Variants in BCLAF1 observed in about 807,000 individuals in gnomAD.
BCLAF1 encodes the protein BCL2 associated transcription factor 1.
BCLAF1 carries 10 observed loss-of-function variants against 99.5 expected under a neutral mutation model. That is an observed-to-expected ratio of 0.10 (90% CI 0.06 to 0.17). BCLAF1 has a LOEUF of 0.17. Ranked by LOEUF, BCLAF1 falls within the 10% of genes least tolerant of loss-of-function variation. The probability of loss-of-function intolerance (pLI) is 1.00; values close to 1 mark genes in which losing one functional copy is unlikely to be tolerated. For synonymous variants in BCLAF1, 255 were observed against 370.9 expected, an observed-to-expected ratio of 0.69 and a Z score of 3.59; for missense variants, 636 against 1,105.8, an observed-to-expected ratio of 0.58 and a Z score of 6.02.
rs145079947 is a variant in BCLAF1 at position 136,272,060 on chromosome 6, T to C, written c.1978A>G (p.Ser660Gly). ...EIHRRIDISP[S>G]TLRKHTRLAG... The stretch of plus-strand genomic sequence containing the variant: ...AAACGGGTATGCTTCCTCAGGGTAC[T>C]TGGTGAGATGTCAATTCTCCTTAAT... The change falls in exon 8 of 13, where the codon AGT becomes GGT. Residue 660 changes from serine (S) to glycine (G), a missense_variant. Ser to Gly is a moderately conservative substitution (Grantham distance 56, BLOSUM62 0). Around this residue, in one of 9 missense-constraint regions of BCLAF1, gnomAD observed 180 missense variants for 270.0 expected, o/e 0.67. Transcript: ENST00000531224. 5 of 1,601,366 alleles carry C rather than the reference T, an allele frequency of 3.1e-6. 1 individual carries two copies. In the South Asian group the frequency reaches 3.3e-5, roughly 11 times the overall value.
At chr6:136,278,911 A>C in intron 3 of BCLAF1, 135 bp from the exon 4 acceptor site, 3 of 883,754 alleles carry the variant, frequency 3.4e-6, no homozygotes, top group Non-Finnish European at 4.8e-6. Flanking sequence ...CATCTGTACA[A>C]AAGTTAATGG....
At chr6:136,287,926 C>T (rs1236470473) in intron 1 of BCLAF1, among the ~76,000 whole-genome samples, 3 of 152,142 alleles carry the variant, frequency 2.0e-5, no homozygotes, top group Non-Finnish European at 4.4e-5. Flanking sequence ...GAGGCTGAGG[C>T]AGGAGAATCG....
At chr6:136,267,982 C>A (rs1379230086) in intron 10 of BCLAF1, among the ~76,000 whole-genome samples, 180 bp downstream of exon 10, 1 of 151,858 alleles carries the variant, frequency 6.6e-6, no homozygotes, top group African/African-American at 2.4e-5. Flanking sequence ...TTCTAGACCT[C>A]AAAATGGCAT....
intron 11 of BCLAF1, among the ~76,000 whole-genome samples, chr6:136,262,910 CT>C (rs1261604552): frequency 3.9e-5 from 6 of 152,056 alleles, no homozygotes; most frequent in Admixed American, 6.6e-5. Flanking sequence ...AACTGTGTGA[CT>C]TTGGGCAACC....
chr6:136,261,221 A>G (rs527483217), intron 12 of BCLAF1, 44 bp downstream of exon 12: 65 of 1,597,646 alleles, frequency 4.1e-5, no homozygotes, highest in East Asian at 6.7e-5. Context: ...CACCAAACCT[A>G]TATCAAAAAA....
At chr6:136,283,252 AAT>A (rs1471633760) in intron 1 of BCLAF1, among the ~76,000 whole-genome samples, 4 of 151,890 alleles carry the variant, frequency 2.6e-5, no homozygotes, top group Non-Finnish European at 5.9e-5. Context: ...TAACATCTAA[AAT>A]ATGAGTTTAA....
Position 136,272,351 on chromosome 6 carries a change from G to C in BCLAF1, c.1959-272C>G, listed in dbSNP as rs541162770. Among the ~76,000 whole-genome samples the C allele has an allele frequency of 3.3e-5, 5 of 152,046 alleles. No individual in the cohort carries two copies. The South Asian group carries it at 1.0e-3, about 31-fold the overall frequency. ...TTTAGCCATCAAAAATAGAAAAAATGTGTTTTGATTAAACTGGATATGATT... is the reference window on the plus strand; with the variant it reads ...TTTAGCCATCAAAAATAGAAAAAATCTGTTTTGATTAAACTGGATATGATT... On this transcript the variant is annotated intron_variant, in intron 7 of 12. Coordinates refer to ENST00000531224, the MANE Select transcript of BCLAF1 (RefSeq NM_014739.3).
rs1197332782 is a variant in BCLAF1 at position 136,258,415 on chromosome 6, AACAAAAACAAG to A, written c.*2684_*2694del. 1.3e-5 allele frequency: 2 copies of A among 151,806 alleles called. No individual in the cohort carries two copies. Among genetic ancestry groups the A allele is most frequent in the African/African-American group, 4.8e-5 (2 of 41,326 alleles). The allele number at this position is 151,806 out of a possible 1,614,324, so 9.4% of individuals were successfully genotyped here. ...AAACAAAAACAAAAACAAAAACAAA[AACAAAAACAAG>A]ACAAAACAAAAAAACAGTAAAGAAA... On this transcript the variant is annotated 3_prime_UTR_variant, in exon 13 of 13. Transcript: ENST00000531224.
At chr6:136,263,743 A>G (rs1483131800) in intron 11 of BCLAF1, among the ~76,000 whole-genome samples, 1 of 152,118 alleles carries the variant, frequency 6.6e-6, no homozygotes, top group Non-Finnish European at 1.5e-5. Flanking sequence ...GAAGACAGCA[A>G]CTCAACACTG....
At chr6:136,273,318 T>C in intron 6 of BCLAF1, 131 bp from the exon 7 acceptor site, 1 of 740,500 alleles carries the variant, frequency 1.4e-6, no homozygotes, top group East Asian at 2.6e-5. Context: ...AATCAAGTGT[T>C]ACAAGGAACT....
At chr6:136,289,375 G>A (rs892377696) in intron 1 of BCLAF1, among the ~76,000 whole-genome samples, 1 of 152,108 alleles carries the variant, frequency 6.6e-6, no homozygotes, top group Non-Finnish European at 1.5e-5. Context: ...TCAGTCGGGC[G>A]CGCGCAGAGG....
intron 4 of BCLAF1, among the ~76,000 whole-genome samples, 162 bp downstream of exon 4, chr6:136,277,703 C>G (rs1235535692): frequency 6.6e-6 from 1 of 151,578 alleles, no homozygotes; most frequent in Non-Finnish European, 1.5e-5. Context: ...CCAAAGTTCA[C>G]CAGATAAGAG....
At chr6:136,289,018 T>G (rs1199012845) in intron 1 of BCLAF1, among the ~76,000 whole-genome samples, 1 of 152,004 alleles carries the variant, frequency 6.6e-6, no homozygotes, top group Non-Finnish European at 1.5e-5. Flanking sequence ...CAGCGCGCGC[T>G]CGCTTCAAAA....
At chr6:136,283,292 C>T (rs989041605) in intron 1 of BCLAF1, among the ~76,000 whole-genome samples, 6 of 149,348 alleles carry the variant, frequency 4.0e-5, no homozygotes, top group Admixed American at 1.3e-4. Context: ...TCTTTTGGTA[C>T]TTCCTTTCAC....
intron 8 of BCLAF1, among the ~76,000 whole-genome samples, chr6:136,271,711 A>C (rs902007472): frequency 2.0e-5 from 3 of 151,860 alleles, no homozygotes; most frequent in African/African-American, 4.8e-5. Flanking sequence ...TTGATTTTAT[A>C]ATTTCCCTTT....
chr6:136,286,330 C>A (rs1014550749), intron 1 of BCLAF1, among the ~76,000 whole-genome samples: 8 of 152,196 alleles, frequency 5.3e-5, no homozygotes, highest in African/African-American at 1.9e-4. Context: ...AGATTCAATT[C>A]CTGGCTCAGC....
At chr6:136,287,876 C>A (rs1024584186) in intron 1 of BCLAF1, among the ~76,000 whole-genome samples, 1 of 152,104 alleles carries the variant, frequency 6.6e-6, no homozygotes, top group Non-Finnish European at 1.5e-5. Context: ...CAAAAATTAG[C>A]CCGGTGTGGT....
In BCLAF1 at chr6:136,279,859, C is replaced by T. The variant is rs148729378; in HGVS notation, c.8G>A (p.Arg3His). 1.3e-6 allele frequency: 2 copies of T among 1,512,866 alleles called. No homozygotes were observed. The highest frequency in any genetic ancestry group is 8.9e-7 in the Non-Finnish European group (1 of 1,125,112). 93.7% of individuals were successfully genotyped at this position (1,512,866 alleles called of 1,614,324 possible). MG[R>H]SNSRSHSSRS... ...TGAAGAATGTGATCTAGAATTGGAG[C>T]GACCCATTTCTTTTCTCCTAATCAA... Residue 3 changes from arginine (R) to histidine (H), a missense_variant, in exon 3 of 13, where the codon CGC becomes CAC. By Grantham distance (29) the Arg-to-His change is conservative (BLOSUM62 0). Coordinates refer to ENST00000531224, the MANE Select transcript of BCLAF1 (RefSeq NM_014739.3).
At chr6:136,270,108 C>A (rs1185445203) in intron 8 of BCLAF1, 1 of 151,626 alleles carries the variant, frequency 6.6e-6, no homozygotes, top group African/African-American at 2.4e-5. Context: ...AATAATCTGA[C>A]CAACCCAATA....
Sources: allele counts gnomAD v4.1 joint callset (sites outside exome capture counted in the v4.1 genomes callset), GRCh38; gene constraint gnomAD v4.1.1; regional missense constraint gnomAD v4.1.1; transcripts MANE v1.5; gene names NCBI Gene and HGNC (gene_info 2026-07-23, HGNC 2026-07-21).